Variants in CNBD1 observed in about 807,000 individuals in gnomAD.
The protein encoded by CNBD1 is cyclic nucleotide-binding domain-containing protein 1.
CNBD1 carries 71 observed loss-of-function variants against 54.4 expected under a neutral mutation model. That is an observed-to-expected ratio of 1.30 (90% CI 1.08 to 1.59). The LOEUF (loss-of-function observed/expected upper bound fraction) is 1.59. CNBD1 is among the 40% of genes most tolerant of loss of function. The pLI is 0.00. For missense variants in CNBD1, 659 were observed against 518.0 expected, an observed-to-expected ratio of 1.27 and a Z score of -2.64; for synonymous variants, 182 against 170.7, an observed-to-expected ratio of 1.07 and a Z score of -0.51.
intron 8 of CNBD1, among the ~76,000 whole-genome samples, chr8:87,323,964 T>G (rs1427543540): frequency 1.4e-5 from 2 of 138,558 alleles, no homozygotes; most frequent in Non-Finnish European, 3.2e-5. Flanking sequence ...CTTATTATTT[T>G]GAAATACGTC....
intron 4 of CNBD1, among the ~76,000 whole-genome samples, chr8:87,061,181 CT>C (rs1810537895): frequency 6.6e-6 from 1 of 152,218 alleles, no homozygotes; most frequent in Non-Finnish European, 1.5e-5. Context: ...AAAAATTCTT[CT>C]GCTCAACACT....
chr8:86,948,620 T>C (rs1297624628), intron 4 of CNBD1, among the ~76,000 whole-genome samples: 4 of 152,142 alleles, frequency 2.6e-5, no homozygotes, highest in Non-Finnish European at 5.9e-5. Flanking sequence ...AAATTCTTTC[T>C]TACAGAGTTT....
chr8:87,323,572 T>C (rs1018013261), intron 8 of CNBD1, among the ~76,000 whole-genome samples: 3 of 123,230 alleles, frequency 2.4e-5, no homozygotes, highest in Non-Finnish European at 5.5e-5. Context: ...CAATTGTGAA[T>C]GGGAGTTCAC....
rs563418875 is a variant in CNBD1, at chr8:87,327,789, G to C, written c.1043-23896G>C. Among the ~76,000 whole-genome samples the C allele has an allele frequency of 5.4e-3, 816 of 152,256 alleles. 6 individuals carry two copies. The highest frequency in any genetic ancestry group is 0.019 in the African/African-American group (772 of 41,548). On this transcript the variant is annotated intron_variant, in intron 8 of 10. Transcript: ENST00000518476. ...TGCGTCGCTCACGCTGGGAGCTGTA[G>C]ACCGGAGCTGTTCCTATTCGGCCAT...
intron 6 of CNBD1, among the ~76,000 whole-genome samples, chr8:87,281,553 T>TAGATATAG: frequency 2.7e-4 from 1 of 3,686 alleles, no homozygotes; most frequent in African/African-American, 4.4e-4. Flanking sequence ...TATATATATA[T>TAGATATAG]ATATATATAT....
At chr8:87,097,208 A>G (rs1811338489) in intron 4 of CNBD1, among the ~76,000 whole-genome samples, 1 of 152,190 alleles carries the variant, frequency 6.6e-6, no homozygotes, top group Admixed American at 6.5e-5. Flanking sequence ...CTTGGCTTTG[A>G]TATCACATGG....
At chr8:87,162,244 C>T (rs1812872462) in intron 4 of CNBD1, among the ~76,000 whole-genome samples, 1 of 151,978 alleles carries the variant, frequency 6.6e-6, no homozygotes, top group Admixed American at 6.6e-5. Flanking sequence ...ATAATTAATA[C>T]TCAGAATATG....
Position 87,110,541 on chromosome 8 carries a change from G to A in CNBD1, c.432-95452G>A, listed in dbSNP as rs183130637. 1.1e-4 allele frequency among the ~76,000 whole-genome samples: 17 copies of A among 152,294 alleles called. 1 individual carries two copies. The East Asian group carries it at 2.7e-3, about 24-fold the overall frequency. On this transcript the variant is annotated intron_variant, in intron 4 of 10. Transcript: ENST00000518476. The stretch of plus-strand genomic sequence containing the variant: ...TAATAGCTTGTCGTTTACATTGGAG[G>A]AGTTGTCTCAGCAAGCCCCAGGCCA...
At chr8:87,019,756 T>C (rs1314757818) in intron 4 of CNBD1, among the ~76,000 whole-genome samples, 1 of 152,022 alleles carries the variant, frequency 6.6e-6, no homozygotes, top group Non-Finnish European at 1.5e-5. Flanking sequence ...CAGGCACCTG[T>C]AATCCCAGCT....
At chr8:86,930,771 G>A (rs187386646) in intron 3 of CNBD1, among the ~76,000 whole-genome samples, 1 of 152,324 alleles carries the variant, frequency 6.6e-6, no homozygotes, top group Non-Finnish European at 1.5e-5. Context: ...TAGAATTGGG[G>A]TGTTGCAGGG....
At chr8:87,303,927 C>G (rs972558514) in intron 8 of CNBD1, among the ~76,000 whole-genome samples, 2 of 152,072 alleles carry the variant, frequency 1.3e-5, no homozygotes, top group African/African-American at 4.8e-5. Context: ...CAAATCAAAA[C>G]CACAATGAGA....
At chr8:87,278,604 A>G (rs1478102385) in intron 6 of CNBD1, among the ~76,000 whole-genome samples, 1 of 151,602 alleles carries the variant, frequency 6.6e-6, no homozygotes, top group Non-Finnish European at 1.5e-5. Flanking sequence ...TTGTATTCAG[A>G]CAAAGAGTAA....
At chr8:87,338,779 A>T (rs893784816) in intron 8 of CNBD1, among the ~76,000 whole-genome samples, 2 of 152,014 alleles carry the variant, frequency 1.3e-5, no homozygotes, top group South Asian at 2.1e-4. Flanking sequence ...AGAAATTTTC[A>T]GTCATGTTAA....
chr8:87,370,999 G>T (rs1367135510), intron 10 of CNBD1, among the ~76,000 whole-genome samples: 30 of 150,562 alleles, frequency 2.0e-4, no homozygotes, highest in South Asian at 8.4e-4. Context: ...TTTCCCCATT[G>T]CTTGTTTTTC....
At chr8:87,074,165 G>T (rs1428260428) in intron 4 of CNBD1, among the ~76,000 whole-genome samples, 1 of 151,946 alleles carries the variant, frequency 6.6e-6, no homozygotes, top group Admixed American at 6.6e-5. Flanking sequence ...TGCACTGGGG[G>T]TTGTTGGGAG....
intron 8 of CNBD1, among the ~76,000 whole-genome samples, chr8:87,308,316 C>T (rs9297301): frequency 6.6e-6 from 1 of 151,772 alleles, no homozygotes; most frequent in Non-Finnish European, 1.5e-5. Flanking sequence ...CAATTTTTAC[C>T]AAAAAAATCA....
intron 5 of CNBD1, among the ~76,000 whole-genome samples, chr8:87,228,903 G>T (rs60339350): frequency 4.6e-5 from 7 of 152,178 alleles, no homozygotes; most frequent in Admixed American, 3.3e-4. Context: ...ACTCTGTGGG[G>T]TAGGACCCTC....
intron 3 of CNBD1, among the ~76,000 whole-genome samples, chr8:86,926,203 A>T (rs1809357804): frequency 6.6e-6 from 1 of 152,066 alleles, no homozygotes. Context: ...AGCTGGCCTC[A>T]CCTCTCAATC....
intron 4 of CNBD1, among the ~76,000 whole-genome samples, chr8:87,148,280 C>G (rs1053242767): frequency 4.6e-5 from 7 of 152,020 alleles, no homozygotes; most frequent in Non-Finnish European, 7.4e-5. Flanking sequence ...AAGGCATTTA[C>G]ATTTTTCAAA....
Sources: allele counts gnomAD v4.1 joint callset (sites outside exome capture counted in the v4.1 genomes callset), GRCh38; gene constraint gnomAD v4.1.1; transcripts MANE v1.5; gene names NCBI Gene and HGNC (gene_info 2026-07-23, HGNC 2026-07-21).